Variants in PCDH9 observed in about 807,000 individuals in gnomAD.
The protein encoded by PCDH9 is protocadherin-9.
In PCDH9, 24 loss-of-function variants were observed where a neutral mutation model predicts 70.6. The observed-to-expected ratio is 0.34, with a 90% CI of 0.25 to 0.48. The LOEUF (loss-of-function observed/expected upper bound fraction) is 0.48, where lower values mean the gene tolerates loss of function less well. Among genes scored for constraint, PCDH9 ranks in the 20% least tolerant of loss-of-function variants. The probability of loss-of-function intolerance (pLI) is 0.99; values close to 1 mark genes in which losing one functional copy is unlikely to be tolerated. For synonymous variants in PCDH9, 562 were observed against 558.5 expected, an observed-to-expected ratio of 1.01 and a Z score of -0.09; for missense variants, 1,281 against 1,503.6, an observed-to-expected ratio of 0.85 and a Z score of 2.45.
At chr13:66,315,500 G>C (rs1367736562) in intron 4 of PCDH9, among the ~76,000 whole-genome samples, 1 of 149,734 alleles carries the variant, frequency 6.7e-6, no homozygotes, top group Non-Finnish European at 1.5e-5. Context: ...TTGTTTTTTT[G>C]AAATGGAGTT....
At chr13:67,154,569 C>T (rs2087748438) in intron 2 of PCDH9, among the ~76,000 whole-genome samples, 1 of 105,550 alleles carries the variant, frequency 9.5e-6, no homozygotes, top group African/African-American at 3.7e-5. Flanking sequence ...GACGGAGACC[C>T]TGTCTCAAAA....
intron 4 of PCDH9, among the ~76,000 whole-genome samples, chr13:66,376,947 G>T (rs1007523596): frequency 9.2e-5 from 14 of 151,942 alleles, no homozygotes; most frequent in African/African-American, 3.1e-4. Context: ...CAGTAATATG[G>T]CCTTCTGTTA....
chr13:66,600,650 A>AAAGAATGTGGCTACAATAACC (rs1372890061), intron 4 of PCDH9, among the ~76,000 whole-genome samples: 2 of 147,338 alleles, frequency 1.4e-5, no homozygotes, highest in African/African-American at 2.4e-5. Context: ...ATATTTTATT[A>AAAGAATGTGGCTACAATAACC]ACAGTAATTA....
intron 2 of PCDH9, among the ~76,000 whole-genome samples, chr13:67,037,874 A>C (rs1459098970): frequency 6.6e-6 from 1 of 152,210 alleles, no homozygotes; most frequent in Non-Finnish European, 1.5e-5. Flanking sequence ...GGTAAAGAAG[A>C]AAGTTGAAAA....
chr13:66,371,738 A>G (rs1395501763), intron 4 of PCDH9, among the ~76,000 whole-genome samples: 2 of 152,138 alleles, frequency 1.3e-5, no homozygotes, highest in Non-Finnish European at 2.9e-5. Flanking sequence ...AACTAAGAAC[A>G]ACAAACAGGA....
At chr13:66,349,574 C>T (rs1227563534) in intron 4 of PCDH9, among the ~76,000 whole-genome samples, 3 of 152,124 alleles carry the variant, frequency 2.0e-5, no homozygotes, top group Non-Finnish European at 2.9e-5. Flanking sequence ...ATCTGATGTG[C>T]CAGGGCTACC....
chr13:66,883,117 CA>C (rs2081948422), intron 3 of PCDH9, among the ~76,000 whole-genome samples: 1 of 152,116 alleles, frequency 6.6e-6, no homozygotes, highest in Admixed American at 6.6e-5. Flanking sequence ...AAGCCCTGGA[CA>C]AACTTTGATT....
At chr13:67,218,703 T>C (rs2089660958) in intron 2 of PCDH9, 1 of 152,044 alleles carries the variant, frequency 6.6e-6, no homozygotes, top group South Asian at 2.1e-4. Context: ...CATAAATTAC[T>C]AAGTGGTGAA....
At chr13:67,030,142 A>G (rs1009484389) in intron 2 of PCDH9, among the ~76,000 whole-genome samples, 1 of 152,112 alleles carries the variant, frequency 6.6e-6, no homozygotes, top group Non-Finnish European at 1.5e-5. Context: ...GTGCAGTGGC[A>G]CTACATCAGT....
chr13:66,354,705 AT>A (rs1956350237), intron 4 of PCDH9, among the ~76,000 whole-genome samples: 1 of 152,144 alleles, frequency 6.6e-6, no homozygotes, highest in African/African-American at 2.4e-5. Context: ...GAACAGGCTG[AT>A]TTAGCTATGT....
intron 2 of PCDH9, among the ~76,000 whole-genome samples, chr13:67,046,818 C>A (rs2085231552): frequency 6.6e-6 from 1 of 151,924 alleles, no homozygotes; most frequent in Non-Finnish European, 1.5e-5. Flanking sequence ...TTTTATCTGA[C>A]AGAATAAAAA....
chr13:66,444,685 C>G (rs1371442176), intron 4 of PCDH9, among the ~76,000 whole-genome samples: 4 of 152,026 alleles, frequency 2.6e-5, no homozygotes, highest in Non-Finnish European at 5.9e-5. Context: ...CTCAGTCTCC[C>G]GAGGAGCTGG....
chr13:66,424,254 G>T (rs911821011), intron 4 of PCDH9, among the ~76,000 whole-genome samples: 1 of 151,978 alleles, frequency 6.6e-6, no homozygotes, highest in Non-Finnish European at 1.5e-5. Flanking sequence ...ATACTGCCCA[G>T]AGTAATTTAT....
At chr13:67,119,284 A>T (rs1486633355) in intron 2 of PCDH9, among the ~76,000 whole-genome samples, 1 of 152,082 alleles carries the variant, frequency 6.6e-6, no homozygotes, top group Admixed American at 6.6e-5. Context: ...AATATATGAT[A>T]CATTCCTTTT....
intron 2 of PCDH9, among the ~76,000 whole-genome samples, chr13:67,126,260 T>C (rs954476759): frequency 1.3e-5 from 2 of 152,146 alleles, no homozygotes; most frequent in Non-Finnish European, 2.9e-5. Flanking sequence ...AATTTCAGTA[T>C]TCTCATAAAT....
intron 2 of PCDH9, among the ~76,000 whole-genome samples, chr13:67,020,313 C>G (rs9540973): frequency 0.35 from 53,665 of 151,982 alleles, 10,107 homozygotes; most frequent in East Asian, 0.59. Flanking sequence ...TCTGTCCCCT[C>G]CTACCAACCA....
chr13:67,069,718 T>C (rs1356872872), intron 2 of PCDH9, among the ~76,000 whole-genome samples: 1 of 152,156 alleles, frequency 6.6e-6, no homozygotes, highest in Non-Finnish European at 1.5e-5. Flanking sequence ...GAAATCATTA[T>C]ATTTATTTAC....
chr13:66,941,484 CCTAA>C (rs1389020281), intron 2 of PCDH9, among the ~76,000 whole-genome samples: 2 of 151,700 alleles, frequency 1.3e-5, no homozygotes, highest in Admixed American at 1.3e-4. Context: ...AAAAGCAATA[CCTAA>C]CTAATATGCT....
chr13:66,704,763 A>T (rs950463255), intron 3 of PCDH9, among the ~76,000 whole-genome samples: 1 of 152,110 alleles, frequency 6.6e-6, no homozygotes, highest in Non-Finnish European at 1.5e-5. Context: ...TTCTAGAGAA[A>T]CAATTCTCTA....
Sources: allele counts gnomAD v4.1 joint callset (sites outside exome capture counted in the v4.1 genomes callset), GRCh38; gene constraint gnomAD v4.1.1; transcripts MANE v1.5; gene names NCBI Gene and HGNC (gene_info 2026-07-23, HGNC 2026-07-21).